The following PSD3 variants were observed in gnomAD, a reference collection of about 807,000 sequenced individuals.
PSD3 encodes the protein pleckstrin and Sec7 domain containing 3.
In PSD3, 49 loss-of-function variants were observed where a neutral mutation model predicts 105.5. The observed-to-expected ratio is 0.46, with a 90% CI of 0.37 to 0.59. The LOEUF is 0.59. PSD3 is among the 20% of genes least tolerant of loss of function. The pLI is 0.00. For missense variants in PSD3, 1,561 were observed against 1,263.8 expected (o/e 1.24, Z -3.57); for synonymous variants, 557 against 457.8 (o/e 1.22, Z -2.77).
intron 12 of PSD3, among the ~76,000 whole-genome samples, chr8:18,587,873 C>A (rs997962460): frequency 2.0e-5 from 3 of 152,124 alleles, no homozygotes; most frequent in African/African-American, 7.2e-5. Flanking sequence ...TGTATAAACC[C>A]CAAACCACCT....
intron 1 of PSD3, among the ~76,000 whole-genome samples, chr8:18,964,228 G>A (rs2129471409): frequency 1.3e-5 from 2 of 152,192 alleles, no homozygotes; most frequent in East Asian, 3.9e-4. Context: ...AGACTCATGT[G>A]ACCTCCCACC....
chr8:18,871,840 G>A lies in PSD3; in HGVS notation c.1024C>T (p.Arg342Cys), dbSNP rs146066561. Reference protein sequence around the residue: ...PDSKESSKVPRHLISSAGLCN... With the variant: ...PDSKESSKVPCHLISSAGLCN... ...AAACCAGCTGATGAGATGAGATGGC[G>A]TGGCACTTTGGAAGACTCTTTGCTG... The change falls in exon 3 of 16, where the codon CGC becomes TGC. Residue 342 changes from arginine (R) to cysteine (C), a missense_variant. Transcript: ENST00000327040. 3,021 of 1,614,204 alleles carry A rather than the reference G, an allele frequency of 1.9e-3. 3 individuals are homozygous for A. The highest frequency in any genetic ancestry group is 7.4e-3 in the Middle Eastern group (45 of 6,060).
At chr8:18,793,254 T>A (rs1234184200) in intron 8 of PSD3, among the ~76,000 whole-genome samples, 1 of 151,324 alleles carries the variant, frequency 6.6e-6, no homozygotes, top group African/African-American at 2.4e-5. Context: ...CACACCAACA[T>A]GGCACACACA....
chr8:19,076,420 G>GA (rs1227412855), intron 1 of PSD3, among the ~76,000 whole-genome samples: 2 of 151,940 alleles, frequency 1.3e-5, no homozygotes, highest in Non-Finnish European at 2.9e-5. Flanking sequence ...AGAGGAAACC[G>GA]AAAAACTACT....
chr8:19,022,326 C>T (rs971535732), intron 1 of PSD3, among the ~76,000 whole-genome samples: 2 of 152,202 alleles, frequency 1.3e-5, no homozygotes, highest in Non-Finnish European at 2.9e-5. Context: ...ATTCCAGTTC[C>T]TCAGTCCTAT....
intron 1 of PSD3, among the ~76,000 whole-genome samples, chr8:18,969,302 T>G (rs1015861164): frequency 6.6e-6 from 1 of 152,210 alleles, no homozygotes; most frequent in African/African-American, 2.4e-5. Context: ...AAAGCACATA[T>G]TGTCTTAATT....
chr8:18,962,152 A>T (rs1428276524), intron 1 of PSD3, among the ~76,000 whole-genome samples: 2 of 151,894 alleles, frequency 1.3e-5, no homozygotes, highest in African/African-American at 4.8e-5. Context: ...AGGCTGAGGC[A>T]GGAGAATCTC....
At chr8:18,639,608 G>A (rs1014451747) in intron 10 of PSD3, among the ~76,000 whole-genome samples, 2 of 152,074 alleles carry the variant, frequency 1.3e-5, no homozygotes, top group Non-Finnish European at 2.9e-5. Context: ...ACATACAGAA[G>A]GAAGACCCTG....
chr8:18,677,694 T>C (rs1211115119), intron 9 of PSD3, among the ~76,000 whole-genome samples: 1 of 152,192 alleles, frequency 6.6e-6, no homozygotes, highest in Non-Finnish European at 1.5e-5. Flanking sequence ...AAGATCTCCT[T>C]TGGCTAAGGA....
intron 11 of PSD3, among the ~76,000 whole-genome samples, chr8:18,632,079 AT>A (rs553900050): frequency 1.0e-3 from 155 of 152,100 alleles, no homozygotes; most frequent in African/African-American, 3.7e-3. Flanking sequence ...GGCTCCTTCA[AT>A]TTCCCAAAAC....
At chr8:18,747,139 A>G (rs750482955) in intron 9 of PSD3, among the ~76,000 whole-genome samples, 12 of 152,244 alleles carry the variant, frequency 7.9e-5, no homozygotes, top group Non-Finnish European at 1.6e-4. Flanking sequence ...CCACATCTTC[A>G]ATTCTTAATA....
intron 4 of PSD3, among the ~76,000 whole-genome samples, chr8:18,841,587 G>C (rs541247493): frequency 6.6e-6 from 1 of 152,162 alleles, no homozygotes; most frequent in South Asian, 2.1e-4. Context: ...AAGTGGGTAA[G>C]AGGCAGGACA....
chr8:18,535,796 C>T lies in PSD3; in HGVS notation c.3091G>A (p.Glu1031Lys). The change falls in exon 16 of 16, where the codon GAG becomes AAG. Residue 1031 changes from glutamate to lysine, a missense_variant. Coordinates refer to ENST00000327040, the MANE Select transcript of PSD3 (RefSeq NM_015310.4). ...GTTTCAGGTCGGTGATCCTTCCTCTCTGACACGTTACGCTTGACTTTGGCA... is the reference window on the plus strand; with the variant it reads ...GTTTCAGGTCGGTGATCCTTCCTCTTTGACACGTTACGCTTGACTTTGGCA... ...ITAKVKRNVS[E>K]RKDHRPETPS... 1 of 1,614,188 alleles carries T rather than the reference C, an allele frequency of 6.2e-7. No individual in the cohort carries two copies. The highest frequency in any genetic ancestry group is 1.1e-5 in the South Asian group (1 of 91,084).
chr8:18,592,029 A>G (rs1585324514), intron 12 of PSD3, among the ~76,000 whole-genome samples: 1 of 152,292 alleles, frequency 6.6e-6, no homozygotes, highest in East Asian at 1.9e-4. Context: ...CAAGAGACAG[A>G]ACAAACAGGA....
At chr8:18,750,054 C>G (rs1475728479) in intron 9 of PSD3, among the ~76,000 whole-genome samples, 1 of 152,172 alleles carries the variant, frequency 6.6e-6, no homozygotes, top group Admixed American at 6.5e-5. Flanking sequence ...AGATAATGAT[C>G]AATCTGTGTT....
chr8:18,611,270 G>T (rs1805244269), intron 11 of PSD3, among the ~76,000 whole-genome samples: 1 of 148,274 alleles, frequency 6.7e-6, no homozygotes, highest in Non-Finnish European at 1.5e-5. Flanking sequence ...AAAAAAAAAG[G>T]TTTTTCTTTT....
At chr8:18,821,717 A>ACACACACACCC (rs1554513425) in intron 4 of PSD3, among the ~76,000 whole-genome samples, 6 of 141,120 alleles carry the variant, frequency 4.3e-5, no homozygotes, top group Non-Finnish European at 7.6e-5. Flanking sequence ...ACACACACAC[A>ACACACACACCC]CCCCAATAAC....
chr8:18,553,347 A>C (rs1287265553), intron 15 of PSD3, among the ~76,000 whole-genome samples: 1 of 151,386 alleles, frequency 6.6e-6, no homozygotes, highest in African/African-American at 2.4e-5. Flanking sequence ...TGAACTGCAG[A>C]CACTGCTGTC....
intron 8 of PSD3, among the ~76,000 whole-genome samples, chr8:18,798,750 C>T (rs1202498673): frequency 6.6e-6 from 1 of 152,066 alleles, no homozygotes; most frequent in African/African-American, 2.4e-5. Flanking sequence ...TAAAATTCTA[C>T]TTCTACAAAA....
Sources: gnomAD v4.1 joint callset for allele counts (sites outside exome capture counted in the v4.1 genomes callset) on GRCh38, gnomAD v4.1.1 for gene constraint, MANE v1.5 for transcripts, NCBI Gene and HGNC (gene_info 2026-07-23, HGNC 2026-07-21) for gene names.